Variants in CELF4 observed in about 807,000 individuals in gnomAD.
CELF4 encodes the protein CUG-BP- and ETR-3-like factor 4.
A neutral mutation model predicts 59.9 loss-of-function variants in CELF4; 18 were observed. That is an observed-to-expected ratio of 0.30 (90% CI 0.21 to 0.45). The LOEUF (loss-of-function observed/expected upper bound fraction) is 0.45, where lower values mean the gene tolerates loss of function less well. CELF4 is among the 20% of genes least tolerant of loss of function. CELF4 has a pLI of 1.00. For missense variants in CELF4, 456 were observed against 689.0 expected (o/e 0.66, Z 3.79); for synonymous variants, 261 against 267.1 (o/e 0.98, Z 0.22).
At chr18:37,280,661 C>A (rs574614203) in intron 3 of CELF4, among the ~76,000 whole-genome samples, 5 of 152,304 alleles carry the variant, frequency 3.3e-5, no homozygotes, top group African/African-American at 9.6e-5. Flanking sequence ...CAAGCCCACA[C>A]CAGAATTTGA....
chr18:37,501,589 G>A (rs2099931931), intron 1 of CELF4, among the ~76,000 whole-genome samples: 4 of 152,250 alleles, frequency 2.6e-5, no homozygotes, highest in Admixed American at 2.6e-4. Flanking sequence ...AGGAAGCCAG[G>A]TAAGCTGGTG....
chr18:37,562,239 A>T (rs899429277), intron 1 of CELF4, among the ~76,000 whole-genome samples: 1 of 151,992 alleles, frequency 6.6e-6, no homozygotes, highest in African/African-American at 2.4e-5. Flanking sequence ...TTTAAGGTGC[A>T]CTCTACGCAT....
chr18:37,266,915 C>T (rs2077878052), intron 8 of CELF4, among the ~76,000 whole-genome samples: 1 of 151,198 alleles, frequency 6.6e-6, no homozygotes, highest in African/African-American at 2.4e-5. Context: ...CCAAGGAAGC[C>T]TCAACACTGA....
intron 1 of CELF4, among the ~76,000 whole-genome samples, chr18:37,489,253 A>C (rs2099891410): frequency 6.6e-6 from 1 of 152,260 alleles, no homozygotes; most frequent in African/African-American, 2.4e-5. Context: ...AATGCGGATA[A>C]GCAGTTATTA....
At chr18:37,281,407 G>A (rs534024233) in intron 3 of CELF4, among the ~76,000 whole-genome samples, 4 of 152,326 alleles carry the variant, frequency 2.6e-5, no homozygotes, top group African/African-American at 9.6e-5. Context: ...GGCACTGTGG[G>A]CGAGTGTTCA....
At chr18:37,396,055 T>C (rs1402049701) in intron 2 of CELF4, among the ~76,000 whole-genome samples, 3 of 152,234 alleles carry the variant, frequency 2.0e-5, no homozygotes, top group Non-Finnish European at 2.9e-5. Context: ...CATTCTTGCC[T>C]GTCTAGGTAA....
chr18:37,485,381 TG>T (rs888899400), intron 2 of CELF4, 143 bp downstream of exon 2: 5 of 210,700 alleles, frequency 2.4e-5, no homozygotes, highest in South Asian at 1.7e-4. Context: ...CCCAGGGATT[TG>T]GGGGGGCGCG....
At chr18:37,324,162 C>T (rs1003036140) in intron 2 of CELF4, among the ~76,000 whole-genome samples, 1 of 152,154 alleles carries the variant, frequency 6.6e-6, no homozygotes, top group Admixed American at 6.5e-5. Flanking sequence ...CCCTCCCAGC[C>T]TCCTCCTCTT....
intron 2 of CELF4, among the ~76,000 whole-genome samples, chr18:37,332,548 T>C (rs2097580389): frequency 6.6e-6 from 1 of 152,020 alleles, no homozygotes; most frequent in South Asian, 2.1e-4. Flanking sequence ...CCTATCTCTC[T>C]ACAAAATGCC....
chr18:37,475,957 G>A (rs74564034), intron 2 of CELF4, among the ~76,000 whole-genome samples: 3,610 of 152,188 alleles, frequency 0.024, 131 homozygotes, highest in East Asian at 0.16. Flanking sequence ...AATATAATGG[G>A]ACATATGGTC....
chr18:37,358,456 G>A (rs1006015547), intron 2 of CELF4, among the ~76,000 whole-genome samples: 1 of 152,180 alleles, frequency 6.6e-6, no homozygotes, highest in Non-Finnish European at 1.5e-5. Flanking sequence ...AGGCTCAGAT[G>A]TCTCTTTATC....
At chr18:37,332,935 C>T (rs977233537) in intron 2 of CELF4, among the ~76,000 whole-genome samples, 4 of 152,222 alleles carry the variant, frequency 2.6e-5, no homozygotes, top group Non-Finnish European at 4.4e-5. Context: ...CAGGGCTGCA[C>T]TGGCAAGGGT....
intron 2 of CELF4, among the ~76,000 whole-genome samples, chr18:37,331,890 C>A (rs945280550): frequency 6.6e-6 from 1 of 151,946 alleles, no homozygotes; most frequent in South Asian, 2.1e-4. Flanking sequence ...CTGGTGTGGC[C>A]GCAGAGGATC....
Position 37,379,461 on chromosome 18 carries a change from AC to A in CELF4, c.370-57581del, listed in dbSNP as rs1451014122. Among the ~76,000 whole-genome samples the A allele has an allele frequency of 2.1e-4, 26 of 124,088 alleles. No individual in the cohort carries two copies. The Admixed American group carries it at 2.8e-3, about 13-fold the overall frequency. 81.4% of individuals were successfully genotyped at this position (124,088 alleles called of 152,430 possible). On this transcript the variant is annotated intron_variant, in intron 2 of 12. Transcript: ENST00000420428. Reference sequence around the variant, plus strand: ...TACTGCAGTGTCTTTAAATTTAATCACCTTCATAATGGCCAGCTCTGGCATC... The same window carrying A: ...TACTGCAGTGTCTTTAAATTTAATCACTTCATAATGGCCAGCTCTGGCATC...
At chr18:37,357,458 C>A (rs182431031) in intron 2 of CELF4, among the ~76,000 whole-genome samples, 1 of 152,312 alleles carries the variant, frequency 6.6e-6, no homozygotes, top group Middle Eastern at 3.4e-3. Flanking sequence ...TATGGAAACG[C>A]GTGGATGCCC....
At chr18:37,366,704 G>A (rs1369062540) in intron 2 of CELF4, among the ~76,000 whole-genome samples, 2 of 152,204 alleles carry the variant, frequency 1.3e-5, no homozygotes, top group East Asian at 3.9e-4. Flanking sequence ...CACTATCATT[G>A]GAAGACAAGA....
At chr18:37,419,384 A>G (rs752783523) in intron 2 of CELF4, among the ~76,000 whole-genome samples, 4 of 152,206 alleles carry the variant, frequency 2.6e-5, no homozygotes, top group Non-Finnish European at 4.4e-5. Flanking sequence ...GCACTCTGTG[A>G]GTCAGGAAAA....
intron 10 of CELF4, among the ~76,000 whole-genome samples, chr18:37,259,890 C>A (rs980250966): frequency 2.6e-5 from 4 of 152,224 alleles, no homozygotes; most frequent in Non-Finnish European, 5.9e-5. Flanking sequence ...GCGTAGGAAG[C>A]GCTGCAACTG....
At chr18:37,309,985 T>C (rs2096586630) in intron 3 of CELF4, among the ~76,000 whole-genome samples, 1 of 151,634 alleles carries the variant, frequency 6.6e-6, no homozygotes, top group African/African-American at 2.4e-5. Context: ...AATATAGCTG[T>C]GGCCCCAGGC....
Sources: allele counts gnomAD v4.1 joint callset (sites outside exome capture counted in the v4.1 genomes callset), GRCh38; gene constraint gnomAD v4.1.1; transcripts MANE v1.5; gene names NCBI Gene and HGNC (gene_info 2026-07-23, HGNC 2026-07-21).